The following FAM171A1 variants were observed in gnomAD, a reference collection of about 807,000 sequenced individuals.
FAM171A1 encodes the protein family with sequence similarity 171 member A1.
A neutral mutation model predicts 74.9 loss-of-function variants in FAM171A1; 23 were observed. The observed-to-expected ratio is 0.31, with a 90% CI of 0.22 to 0.44. FAM171A1 has a LOEUF of 0.44. Among genes scored for constraint, FAM171A1 ranks in the 20% least tolerant of loss-of-function variants. FAM171A1 has a pLI of 1.00. For missense variants in FAM171A1, 1,162 were observed against 1,159.2 expected, an observed-to-expected ratio of 1.00 and a Z score of -0.03; for synonymous variants, 527 against 505.7, an observed-to-expected ratio of 1.04 and a Z score of -0.57.
chr10:15,341,671 C>T (rs988314065), intron 1 of FAM171A1, among the ~76,000 whole-genome samples: 2 of 152,216 alleles, frequency 1.3e-5, no homozygotes, highest in African/African-American at 4.8e-5. Flanking sequence ...AGCACAGGAA[C>T]AAGACCAGCT....
intron 1 of FAM171A1, among the ~76,000 whole-genome samples, chr10:15,315,306 G>C (rs893642740): frequency 6.6e-6 from 1 of 152,092 alleles, no homozygotes; most frequent in African/African-American, 2.4e-5. Flanking sequence ...CCTTTGTCTC[G>C]GTTTCTCCCA....
chr10:15,337,731 T>G (rs960954922), intron 1 of FAM171A1, among the ~76,000 whole-genome samples: 4 of 152,200 alleles, frequency 2.6e-5, no homozygotes, highest in Admixed American at 2.6e-4. Flanking sequence ...AGCGGATCAC[T>G]TGAGATCGGG....
At chr10:15,283,810 C>G in intron 2 of FAM171A1, 68 bp downstream of exon 2, 1 of 1,514,440 alleles carries the variant, frequency 6.6e-7, no homozygotes, top group Non-Finnish European at 9.1e-7. Context: ...GTTTCAGACT[C>G]CTGGCCTTAT....
chr10:15,295,807 C>T (rs1049582459), intron 1 of FAM171A1, among the ~76,000 whole-genome samples: 2 of 152,206 alleles, frequency 1.3e-5, no homozygotes, highest in Admixed American at 1.3e-4. Flanking sequence ...CTGCCTGGGC[C>T]AGGGAGGCCA....
intron 5 of FAM171A1, among the ~76,000 whole-genome samples, chr10:15,248,294 C>T (rs1309321121): frequency 6.6e-6 from 1 of 151,564 alleles, no homozygotes; most frequent in African/African-American, 2.4e-5. Context: ...AAAAAAAATA[C>T]CACACATGAC....
At chr10:15,259,772 A>G (rs1834632496) in intron 3 of FAM171A1, among the ~76,000 whole-genome samples, 1 of 151,498 alleles carries the variant, frequency 6.6e-6, no homozygotes, top group African/African-American at 2.4e-5. Flanking sequence ...ACTGCCAACC[A>G]GTTCTCATCC....
chr10:15,305,406 A>G (rs1373170826), intron 1 of FAM171A1, among the ~76,000 whole-genome samples: 3 of 152,130 alleles, frequency 2.0e-5, no homozygotes, highest in African/African-American at 4.8e-5. Flanking sequence ...GCTGGGTGCC[A>G]TGGCTCATGC....
chr10:15,225,298 G>A (rs3935883), intron 5 of FAM171A1, among the ~76,000 whole-genome samples: 32,595 of 152,160 alleles, frequency 0.21, 3,750 homozygotes, highest in African/African-American at 0.29. Flanking sequence ...GTGAAAGGCT[G>A]GGTGCAGTAG....
chr10:15,269,698 C>A (rs1331532347), intron 3 of FAM171A1, among the ~76,000 whole-genome samples: 1 of 152,142 alleles, frequency 6.6e-6, no homozygotes, highest in Non-Finnish European at 1.5e-5. Context: ...AGAGGCAGTG[C>A]CCTGGACTGT....
chr10:15,278,478 G>C (rs554145829), intron 2 of FAM171A1, among the ~76,000 whole-genome samples: 6 of 152,310 alleles, frequency 3.9e-5, no homozygotes, highest in Non-Finnish European at 8.8e-5. Context: ...ATCCGTAACA[G>C]CCGAAAAGCG....
chr10:15,349,368 G>A (rs770117299), intron 1 of FAM171A1, among the ~76,000 whole-genome samples: 1 of 152,320 alleles, frequency 6.6e-6, no homozygotes, highest in Middle Eastern at 3.4e-3. Context: ...CATGTAACTC[G>A]AGTAGGAGGG....
At chr10:15,285,857 G>A (rs931228057) in intron 1 of FAM171A1, among the ~76,000 whole-genome samples, 15 of 152,200 alleles carry the variant, frequency 9.9e-5, no homozygotes, top group African/African-American at 3.1e-4. Flanking sequence ...TGGGTACAGA[G>A]CAGCCTGACA....
At chr10:15,264,161 C>T (rs189946829) in intron 3 of FAM171A1, among the ~76,000 whole-genome samples, 7 of 151,844 alleles carry the variant, frequency 4.6e-5, no homozygotes, top group South Asian at 2.1e-4. Context: ...AAATATTTTT[C>T]GGGTCTTGCT....
intron 5 of FAM171A1, among the ~76,000 whole-genome samples, chr10:15,228,336 A>ATTTT (rs71390021): frequency 4.0e-5 from 5 of 123,956 alleles, no homozygotes; most frequent in Non-Finnish European, 4.9e-5. Context: ...AAGTGGGAGT[A>ATTTT]TTTTTTTTTT....
intron 4 of FAM171A1, among the ~76,000 whole-genome samples, chr10:15,251,601 G>A (rs1834509445): frequency 6.6e-6 from 1 of 151,536 alleles, no homozygotes; most frequent in Admixed American, 6.6e-5. Context: ...ATTTTTAGTA[G>A]AGATGAGGTT....
intron 5 of FAM171A1, among the ~76,000 whole-genome samples, chr10:15,224,381 C>T (rs189113982): frequency 1.7e-4 from 26 of 152,150 alleles, no homozygotes; most frequent in Non-Finnish European, 3.2e-4. Flanking sequence ...CCTTCTGGGA[C>T]GATCTTCACA....
At chr10:15,241,173 G>C (rs1188394654) in intron 5 of FAM171A1, 1 of 152,184 alleles carries the variant, frequency 6.6e-6, no homozygotes, top group African/African-American at 2.4e-5. Flanking sequence ...CTACAATGAA[G>C]GTGCTGTCAC....
intron 1 of FAM171A1, among the ~76,000 whole-genome samples, chr10:15,286,296 T>A (rs1286604222): frequency 6.6e-6 from 1 of 152,158 alleles, no homozygotes; most frequent in Admixed American, 6.5e-5. Flanking sequence ...TGTTTGTTTG[T>A]TTAGATGGAG....
At chr10:15,366,554 T>C (rs10159581) in intron 1 of FAM171A1, among the ~76,000 whole-genome samples, 3,803 of 152,304 alleles carry the variant, frequency 0.025, 158 homozygotes, top group African/African-American at 0.087. Context: ...ATGATTTGTG[T>C]AAAATCTTCT....
Sources: gnomAD v4.1 joint callset for allele counts (sites outside exome capture counted in the v4.1 genomes callset) on GRCh38, gnomAD v4.1.1 for gene constraint, MANE v1.5 for transcripts, NCBI Gene and HGNC (gene_info 2026-07-23, HGNC 2026-07-21) for gene names.